GEMIN5: variants seen among roughly 807,000 people sequenced by gnomAD.
GEMIN5 encodes gem-associated protein 5.
A neutral mutation model predicts 176.9 loss-of-function variants in GEMIN5; 124 were observed. That is an observed-to-expected ratio of 0.70 (90% CI 0.61 to 0.81). The LOEUF is 0.81. Among genes scored for constraint, GEMIN5 ranks in the 40% least tolerant of loss-of-function variants. The pLI, the probability that GEMIN5 is intolerant of heterozygous loss-of-function variation, is 0.00. For synonymous variants in GEMIN5, 673 were observed against 665.2 expected (o/e 1.01, Z -0.18); for missense variants, 1,843 against 1,814.6 (o/e 1.02, Z -0.28).
chr5:154,938,079 A>G lies in GEMIN5; in HGVS notation c.55T>C (p.Cys19Arg). The part of the protein sequence containing the change: ...PPSPNWYCAR[C>R]SDAVPGGLFG... ...AGGCCCCCGGGCACGGCATCGCTGC[A>G]GCGGGCGCAGTACCAGTTGGGGGAG... is the stretch of plus-strand genomic sequence containing the variant. The change falls in exon 1 of 28, where the codon TGC becomes CGC. Residue 19 changes from cysteine to arginine, a missense_variant. Transcript: ENST00000285873. 1 of 1,513,666 alleles carries G rather than the reference A, an allele frequency of 6.6e-7. No homozygotes were observed. The highest frequency in any genetic ancestry group is 1.3e-5 in the South Asian group (1 of 79,422). The allele number at this position is 1,513,666 out of a possible 1,614,324, so 93.8% of individuals were successfully genotyped here.
rs1039169109 is a variant in GEMIN5, at chr5:154,907,156, T to G, written c.2395+435A>C. On this transcript the variant is annotated intron_variant, in intron 16 of 27. Transcript: ENST00000285873. Reference sequence around the variant, plus strand: ...AGAAGACAGAAAGCCGCGTACAAACTCCACGTAAGGGGGTGAGAGCTTGCA... The same window carrying G: ...AGAAGACAGAAAGCCGCGTACAAACGCCACGTAAGGGGGTGAGAGCTTGCA... Among the ~76,000 whole-genome samples, 15 of 152,090 alleles carry G rather than the reference T, an allele frequency of 9.9e-5. No homozygotes were observed. In the East Asian group the frequency reaches 2.7e-3, roughly 27 times the overall value.
Position 154,911,838 on chromosome 5 carries a change from G to A in GEMIN5, c.2056C>T (p.Leu686Phe). Residue 686 changes from leucine (L) to phenylalanine (F), a missense_variant, in exon 15 of 28, where the codon CTT becomes TTT. Leu to Phe is a conservative substitution (Grantham distance 22). Transcript: ENST00000285873. ...TCCAAAGGAGACCATGCCACACAAA[G>A]CAGTCGACCTCGATGTCCTCGGAAA... ...CNFRGHRGRLLCVAWSPLDPD... is the reference protein window; with the variant it reads ...CNFRGHRGRLFCVAWSPLDPD... 6.2e-7 allele frequency: 1 copy of A among 1,613,992 alleles called. No homozygotes were observed. The highest frequency in any genetic ancestry group is 1.1e-5 in the South Asian group (1 of 91,082).
At chr5:154,934,575 G>A (rs1403510406) in intron 3 of GEMIN5, among the ~76,000 whole-genome samples, 1 of 152,076 alleles carries the variant, frequency 6.6e-6, no homozygotes, top group Non-Finnish European at 1.5e-5. Flanking sequence ...GCCTCCCAAA[G>A]TGTTGGGATT....
At position 154,931,657 on chromosome 5, in the gene GEMIN5, C is replaced by T. The variant is rs1433307358; in HGVS notation, c.662-80G>A. The T allele has an allele frequency of 1.8e-5, 21 of 1,151,476 alleles. No homozygotes were observed. The Admixed American group carries it at 2.2e-4, about 12-fold the overall frequency. 71.3% of individuals were successfully genotyped at this position (1,151,476 alleles called of 1,614,324 possible). A position where few individuals can be genotyped will look rare whatever the true frequency, so the allele number is the denominator to read the frequency against. ...AAAAAAATTAGTTTGCAAGAGTTTC[C>T]AAAACTTAGCTATCTCTTTCATAGG... is the stretch of plus-strand genomic sequence containing the variant. On this transcript the variant is annotated intron_variant, in intron 4 of 27. Transcript: ENST00000285873.
intron 3 of GEMIN5, among the ~76,000 whole-genome samples, chr5:154,934,508 C>T (rs764809675): frequency 2.4e-4 from 36 of 152,154 alleles, no homozygotes; most frequent in Non-Finnish European, 1.5e-4. Context: ...GATGGGGCTT[C>T]ACCATGTTGG....
intron 3 of GEMIN5, among the ~76,000 whole-genome samples, chr5:154,932,753 G>A (rs1184745001): frequency 6.6e-6 from 1 of 152,062 alleles, no homozygotes. Context: ...TTGTAGAGAT[G>A]AGGTTTCACC....
In GEMIN5 at chr5:154,928,509, T is replaced by C; in HGVS notation, c.914+18A>G. On this transcript the variant is annotated intron_variant, in intron 6 of 27. Transcript: ENST00000285873. ...AAAACAAAATATATCTGAGAAAGCA[T>C]GACCAAAAAAGACTTACCCAAAACA... is the stretch of plus-strand genomic sequence containing the variant. The C allele has an allele frequency of 6.2e-7, 1 of 1,612,858 alleles. No individual in the cohort carries two copies. Among genetic ancestry groups the C allele is most frequent in the East Asian group, 2.2e-5 (1 of 44,872 alleles).
chr5:154,898,005 T>C (rs1293747006), intron 23 of GEMIN5, among the ~76,000 whole-genome samples: 1 of 150,062 alleles, frequency 6.7e-6, no homozygotes, highest in Non-Finnish European at 1.5e-5. Flanking sequence ...GTTCAAGTGA[T>C]TCTCCTGCCT....
chr5:154,909,107 C>T (rs6879277), intron 15 of GEMIN5, among the ~76,000 whole-genome samples: 124,322 of 149,308 alleles, frequency 0.83, 52,471 homozygotes, highest in Non-Finnish European at 0.91. Flanking sequence ...TACAGGTGTG[C>T]GACACCATGC....
intron 24 of GEMIN5, among the ~76,000 whole-genome samples, chr5:154,893,072 G>A (rs1459507289): frequency 6.6e-6 from 1 of 151,778 alleles, no homozygotes; most frequent in Non-Finnish European, 1.5e-5. Flanking sequence ...ACTCCAGTCT[G>A]AGCATGAGAG....
chr5:154,937,298 G>T, intron 1 of GEMIN5, 113 bp from the exon 2 acceptor site: 2 of 858,864 alleles, frequency 2.3e-6, no homozygotes, highest in Non-Finnish European at 3.6e-6. Context: ...CTTAACCCAT[G>T]GTATAACTGA....
rs536320416 is a variant in GEMIN5 at position 154,933,254 on chromosome 5, TATATTCCTAA to T, written c.510-1014_510-1005del. On this transcript the variant is annotated intron_variant, in intron 3 of 27. Coordinates refer to ENST00000285873, the MANE Select transcript of GEMIN5 (RefSeq NM_015465.5). ...ATATCATTCCTAGCCTTTCTTTGTA[TATATTCCTAA>T]ATAAGATATAGATTTTGCATATTTT... Among the ~76,000 whole-genome samples, 34 of 152,346 alleles carry T rather than the reference TATATTCCTAA, an allele frequency of 2.2e-4. No individual in the cohort carries two copies. In the South Asian group the frequency reaches 6.8e-3, roughly 31 times the overall value.
At chr5:154,918,814 G>A (rs1357059860) in intron 11 of GEMIN5, among the ~76,000 whole-genome samples, 1 of 151,772 alleles carries the variant, frequency 6.6e-6, no homozygotes, top group East Asian at 1.9e-4. Context: ...GGCCAAGTGG[G>A]GTGGATCACT....
At position 154,898,435 on chromosome 5, in the gene GEMIN5, C is replaced by T; in HGVS notation, c.3345+5G>A. 6.2e-7 allele frequency: 1 copy of T among 1,609,550 alleles called. No homozygotes were observed. The stretch of plus-strand genomic sequence containing the variant: ...GTATACTAGGAGATGAAATAACAGA[C>T]TGACCTGTAGACTTTCATGCAGCTG... On this transcript the variant is annotated splice_donor_5th_base_variant and intron_variant, in intron 23 of 27. Transcript: ENST00000285873.
intron 16 of GEMIN5, 60 bp from the exon 17 acceptor site, chr5:154,905,536 G>C (rs1216765796): frequency 2.6e-6 from 2 of 772,534 alleles, no homozygotes; most frequent in Non-Finnish European, 4.2e-6. Context: ...CAGAATTTCA[G>C]TTCTTTGTAA....
chr5:154,898,300 A>G (rs993304257), intron 23 of GEMIN5, 140 bp downstream of exon 23: 2 of 717,350 alleles, frequency 2.8e-6, no homozygotes, highest in African/African-American at 3.5e-5. Context: ...ATAGTACTTC[A>G]GTGGGATAGC....
intron 15 of GEMIN5, among the ~76,000 whole-genome samples, chr5:154,908,987 C>A (rs1236055412): frequency 1.3e-5 from 2 of 152,048 alleles, no homozygotes; most frequent in East Asian, 1.9e-4. Context: ...CAGGTTCTTG[C>A]TCTGTTGTCT....
rs140074592 is a variant in GEMIN5, at chr5:154,902,378, G to T, written c.2866+161C>A. Among the ~76,000 whole-genome samples, 279 of 152,116 alleles carry T rather than the reference G, an allele frequency of 1.8e-3. 4 individuals are homozygous for T. The East Asian group carries it at 0.024, about 13-fold the overall frequency. On this transcript the variant is annotated intron_variant, in intron 20 of 27. Coordinates refer to ENST00000285873, the MANE Select transcript of GEMIN5 (RefSeq NM_015465.5). ...GTCAGTGACCTGCTTTTTTTCAAAG[G>T]GGTTGGGTTGGATTTATTAGTTTGT... is the stretch of plus-strand genomic sequence containing the variant.
Position 154,898,557 on chromosome 5 carries a change from G to A in GEMIN5, c.3228C>T (p.Ala1076=), listed in dbSNP as rs199934995. ...CAGACAACTCATCCTCTCCTACGAT[G>A]GCAGCCAACTCTGCAGCCGTTCTAA... ...ASLRTAAELA[A]IVGEDELSAS... Residue 1076 remains alanine, a synonymous_variant, in exon 23 of 28, where the codon GCC becomes GCT. Coordinates refer to ENST00000285873, the MANE Select transcript of GEMIN5 (RefSeq NM_015465.5). 4.0e-5 allele frequency: 64 copies of A among 1,614,104 alleles called. No homozygotes were observed. The African/African-American group carries it at 6.9e-4, about 17-fold the overall frequency.
Sources: allele counts gnomAD v4.1 joint callset (sites outside exome capture counted in the v4.1 genomes callset), GRCh38; gene constraint gnomAD v4.1.1; transcripts MANE v1.5; gene names NCBI Gene and HGNC (gene_info 2026-07-23, HGNC 2026-07-21).